The following CREB5 variants were observed in gnomAD, a reference collection of about 807,000 sequenced individuals.
The protein encoded by CREB5 is cyclic AMP-responsive element-binding protein 5.
In CREB5, 19 loss-of-function variants were observed where a neutral mutation model predicts 57.1. That is an observed-to-expected ratio of 0.33 (90% CI 0.23 to 0.49). The LOEUF (loss-of-function observed/expected upper bound fraction) is 0.49. CREB5 is among the 20% of genes least tolerant of loss of function. The pLI, the probability that CREB5 is intolerant of heterozygous loss-of-function variation, is 0.99. For synonymous variants in CREB5, 238 were observed against 238.3 expected (o/e 1.00, Z 0.01); for missense variants, 579 against 671.6 (o/e 0.86, Z 1.52).
At chr7:28,522,131 G>T (rs1488530402) in intron 4 of CREB5, among the ~76,000 whole-genome samples, 1 of 152,178 alleles carries the variant, frequency 6.6e-6, no homozygotes. Flanking sequence ...AGAAGTTAAA[G>T]CTTAAGAGTT....
At chr7:28,527,054 G>A (rs1793480153) in intron 4 of CREB5, among the ~76,000 whole-genome samples, 1 of 152,140 alleles carries the variant, frequency 6.6e-6, no homozygotes, top group Non-Finnish European at 1.5e-5. Flanking sequence ...TGTATCTGAG[G>A]AGGACAACTC....
chr7:28,605,622 T>A (rs1319619137), intron 5 of CREB5, among the ~76,000 whole-genome samples: 1 of 152,240 alleles, frequency 6.6e-6, no homozygotes, highest in Non-Finnish European at 1.5e-5. Context: ...TGTTTCCTGC[T>A]ATTTTAACAA....
intron 4 of CREB5, among the ~76,000 whole-genome samples, chr7:28,527,467 C>T (rs75101985): frequency 0.022 from 3,341 of 152,228 alleles, 98 homozygotes; most frequent in African/African-American, 0.075. Context: ...GGCAAGTTCC[C>T]AGATGATGCT....
chr7:28,491,148 A>T (rs1791786525), intron 2 of CREB5: 11 of 911,008 alleles, frequency 1.2e-5, no homozygotes, highest in Non-Finnish European at 1.4e-5. Context: ...AGCACTAGGC[A>T]GTGACGGGAA....
At chr7:28,488,853 A>T (rs1791680805) in intron 2 of CREB5, among the ~76,000 whole-genome samples, 1 of 152,214 alleles carries the variant, frequency 6.6e-6, no homozygotes, top group Non-Finnish European at 1.5e-5. Flanking sequence ...CTGCTGGTAG[A>T]GTGTTTAACA....
intron 1 of CREB5, among the ~76,000 whole-genome samples, chr7:28,348,996 G>A (rs78247684): frequency 0.24 from 36,951 of 152,120 alleles, 4,629 homozygotes; most frequent in African/African-American, 0.26. Flanking sequence ...TGTGGTGTAG[G>A]AAACTGAATT....
At chr7:28,590,756 GT>G (rs1308022593) in intron 5 of CREB5, among the ~76,000 whole-genome samples, 1 of 151,816 alleles carries the variant, frequency 6.6e-6, no homozygotes, top group Non-Finnish European at 1.5e-5. Flanking sequence ...AAAAGTTATA[GT>G]TAATCACTCA....
intron 1 of CREB5, among the ~76,000 whole-genome samples, chr7:28,484,500 A>T (rs1791478229): frequency 1.3e-5 from 2 of 152,212 alleles, no homozygotes; most frequent in African/African-American, 2.4e-5. Context: ...GGGCATCAGA[A>T]TAAAGCAGTT....
chr7:28,560,977 T>TGCGTGCGTGCGCGTGCGTGTGTGCGC (rs1554344547), intron 4 of CREB5, among the ~76,000 whole-genome samples: 1 of 48,990 alleles, frequency 2.0e-5, no homozygotes, highest in African/African-American at 6.4e-5. Flanking sequence ...TGTGTGCGTG[T>TGCGTGCGTGCGCGTGCGTGTGTGCGC]GTGCGTGCGT....
At chr7:28,796,896 G>T (rs992929026) in intron 7 of CREB5, among the ~76,000 whole-genome samples, 1 of 152,142 alleles carries the variant, frequency 6.6e-6, no homozygotes, top group African/African-American at 2.4e-5. Flanking sequence ...ATAGAAGTTT[G>T]TTCTGAAAGC....
chr7:28,580,492 C>T (rs886424401), intron 5 of CREB5, among the ~76,000 whole-genome samples: 1 of 141,640 alleles, frequency 7.1e-6, no homozygotes, highest in Non-Finnish European at 1.5e-5. Flanking sequence ...TTTAACGCAG[C>T]TCTGTAGTCA....
chr7:28,801,492 G>A (rs1808365668), intron 7 of CREB5, among the ~76,000 whole-genome samples: 2 of 152,080 alleles, frequency 1.3e-5, no homozygotes, highest in African/African-American at 4.8e-5. Flanking sequence ...CTAAAACCCA[G>A]CAATTCCCCA....
intron 4 of CREB5, among the ~76,000 whole-genome samples, chr7:28,516,622 G>A (rs1010889125): frequency 6.6e-6 from 1 of 152,182 alleles, no homozygotes; most frequent in Non-Finnish European, 1.5e-5. Context: ...AGTCCAAGTG[G>A]ATTCTAGTGG....
chr7:28,498,667 C>G (rs1341289566), intron 3 of CREB5, among the ~76,000 whole-genome samples: 1 of 152,114 alleles, frequency 6.6e-6, no homozygotes, highest in Non-Finnish European at 1.5e-5. Context: ...AGAATAAGCC[C>G]TATCTTCTGG....
chr7:28,761,724 ATGTGTGTGTGTG>A lies in CREB5; in HGVS notation c.702+37408_702+37419del, dbSNP rs3831526. Among the ~76,000 whole-genome samples the A allele has an allele frequency of 5.5e-3, 799 of 146,148 alleles. 10 individuals are homozygous for A. The highest frequency in any genetic ancestry group is 6.7e-3 in the Non-Finnish European group (443 of 65,926). The stretch of plus-strand genomic sequence containing the variant: ...GTAATCACTTTAAATGATGTGAGGG[ATGTGTGTGTGTG>A]TGTGTGTGTGTGTGTATCATTTGTT... On this transcript the variant is annotated intron_variant, in intron 7 of 10. Coordinates refer to ENST00000357727, the MANE Select transcript of CREB5 (RefSeq NM_182898.4).
intron 5 of CREB5, among the ~76,000 whole-genome samples, chr7:28,655,019 T>C (rs1025629990): frequency 1.3e-5 from 2 of 152,068 alleles, no homozygotes; most frequent in South Asian, 2.1e-4. Context: ...CAGGTGATCC[T>C]CCCACAGCAG....
At chr7:28,470,182 T>A (rs1257004500) in intron 1 of CREB5, among the ~76,000 whole-genome samples, 2 of 152,188 alleles carry the variant, frequency 1.3e-5, no homozygotes, top group African/African-American at 4.8e-5. Context: ...TCTAACTATT[T>A]TTTTGTACCA....
intron 7 of CREB5, among the ~76,000 whole-genome samples, chr7:28,741,040 A>G (rs1022619563): frequency 8.2e-5 from 12 of 146,548 alleles, no homozygotes; most frequent in Non-Finnish European, 1.3e-4. Context: ...ACTGATTTCT[A>G]CTTGACTAAA....
chr7:28,322,018 G>A (rs1174902760), intron 1 of CREB5, among the ~76,000 whole-genome samples: 1 of 152,112 alleles, frequency 6.6e-6, no homozygotes. Flanking sequence ...ACACAAATTA[G>A]GTAACTCATT....
Sources: allele counts gnomAD v4.1 joint callset (sites outside exome capture counted in the v4.1 genomes callset), GRCh38; gene constraint gnomAD v4.1.1; transcripts MANE v1.5; gene names NCBI Gene and HGNC (gene_info 2026-07-23, HGNC 2026-07-21).